ZNF521: variants seen among roughly 807,000 people sequenced by gnomAD.
The protein encoded by ZNF521 is zinc finger protein 521.
ZNF521 carries 14 observed loss-of-function variants against 105.5 expected under a neutral mutation model. That is an observed-to-expected ratio of 0.13 (90% CI 0.09 to 0.21). The LOEUF is 0.21. Ranked by LOEUF, ZNF521 falls within the 10% of genes least tolerant of loss-of-function variation. The pLI, the probability that ZNF521 is intolerant of heterozygous loss-of-function variation, is 1.00. For synonymous variants in ZNF521, 635 were observed against 606.0 expected, an observed-to-expected ratio of 1.05 and a Z score of -0.70; for missense variants, 1,233 against 1,629.7, an observed-to-expected ratio of 0.76 and a Z score of 4.19.
chr18:25,314,301 A>G (rs1912483799), intron 3 of ZNF521, among the ~76,000 whole-genome samples: 1 of 152,210 alleles, frequency 6.6e-6, no homozygotes, highest in South Asian at 2.1e-4. Context: ...ACTAGCTGTT[A>G]GAGCACTTTA....
chr18:25,181,916 G>A (rs978799230), intron 5 of ZNF521, among the ~76,000 whole-genome samples: 1 of 152,184 alleles, frequency 6.6e-6, no homozygotes, highest in Non-Finnish European at 1.5e-5. Context: ...GGAAACTGGT[G>A]TAAATGAATC....
rs760063735 is a variant in ZNF521 at position 25,089,468 on chromosome 18, C to T, written c.3903G>A (p.Leu1301=). Reference sequence around the variant, plus strand: ...GTCCTCCCCATGAGGACATTACCTGCAGCTCTGTTTGGAAGAAAAACTTCT... The same window carrying T: ...GTCCTCCCCATGAGGACATTACCTGTAGCTCTGTTTGGAAGAAAAACTTCT... ...CPQKFFFQTE[L]QNHTMTQHSS Residue 1301 remains leucine, a synonymous_variant, in exon 7 of 8, where the codon CTG becomes CTA. Coordinates refer to ENST00000361524, the MANE Select transcript of ZNF521 (RefSeq NM_015461.3). The T allele has an allele frequency of 1.2e-6, 2 of 1,612,344 alleles. No homozygotes were observed. The highest frequency in any genetic ancestry group is 2.2e-5 in the East Asian group (1 of 44,858).
chr18:25,087,574 T>A (rs2033650627), intron 7 of ZNF521, among the ~76,000 whole-genome samples: 1 of 152,250 alleles, frequency 6.6e-6, no homozygotes, highest in Non-Finnish European at 1.5e-5. Flanking sequence ...ACAGTTTACA[T>A]ACTAATTAAC....
intron 7 of ZNF521, among the ~76,000 whole-genome samples, chr18:25,077,085 C>T (rs1435868531): frequency 2.0e-5 from 3 of 152,182 alleles, no homozygotes; most frequent in African/African-American, 7.2e-5. Context: ...GTGAGGCAGA[C>T]TTGTTTAAAA....
At chr18:25,306,113 G>T (rs987691625) in intron 3 of ZNF521, among the ~76,000 whole-genome samples, 78 of 152,170 alleles carry the variant, frequency 5.1e-4, no homozygotes, top group African/African-American at 1.8e-3. Context: ...ATTTCTACCA[G>T]TCCCATTAAC....
intron 3 of ZNF521, among the ~76,000 whole-genome samples, chr18:25,307,774 G>A (rs920002416): frequency 6.6e-6 from 1 of 152,140 alleles, no homozygotes; most frequent in African/African-American, 2.4e-5. Context: ...TCTGCTGTCT[G>A]TCTGTCTGTC....
At chr18:25,290,773 G>T (rs912049321) in intron 3 of ZNF521, among the ~76,000 whole-genome samples, 9 of 151,848 alleles carry the variant, frequency 5.9e-5, no homozygotes, top group African/African-American at 2.2e-4. Flanking sequence ...ACCACACCTG[G>T]CTAATTTTTG....
intron 3 of ZNF521, among the ~76,000 whole-genome samples, chr18:25,244,276 G>C (rs1169835511): frequency 7.1e-6 from 1 of 140,192 alleles, no homozygotes; most frequent in African/African-American, 2.9e-5. Flanking sequence ...AGCTGTGTAT[G>C]CATGTGCACA....
intron 3 of ZNF521, among the ~76,000 whole-genome samples, chr18:25,266,446 C>T (rs996888999): frequency 2.6e-5 from 4 of 152,142 alleles, no homozygotes; most frequent in Non-Finnish European, 2.9e-5. Context: ...TACTATAAAT[C>T]GGATTTGCTG....
At chr18:25,328,182 C>A (rs1383070365) in intron 2 of ZNF521, among the ~76,000 whole-genome samples, 3 of 152,176 alleles carry the variant, frequency 2.0e-5, no homozygotes, top group Non-Finnish European at 2.9e-5. Context: ...AAAGAATGAT[C>A]TCTGTGTTAA....
chr18:25,168,543 C>T (rs986478462), intron 5 of ZNF521, among the ~76,000 whole-genome samples: 1 of 152,078 alleles, frequency 6.6e-6, no homozygotes, highest in African/African-American at 2.4e-5. Flanking sequence ...AAGCAGTCCA[C>T]AATAGACAAC....
At chr18:25,123,069 A>G (rs2034472913) in intron 5 of ZNF521, among the ~76,000 whole-genome samples, 2 of 151,836 alleles carry the variant, frequency 1.3e-5, no homozygotes, top group African/African-American at 4.8e-5. Context: ...TATAAACTAG[A>G]CATTCCTCTA....
At chr18:25,181,750 T>C (rs1002096119) in intron 5 of ZNF521, among the ~76,000 whole-genome samples, 2 of 152,166 alleles carry the variant, frequency 1.3e-5, no homozygotes, top group Non-Finnish European at 2.9e-5. Flanking sequence ...TTTAGGCTCA[T>C]ATAAAGGACT....
chr18:25,249,256 T>C (rs576265411), intron 3 of ZNF521, among the ~76,000 whole-genome samples: 2 of 151,224 alleles, frequency 1.3e-5, no homozygotes, highest in South Asian at 2.1e-4. Context: ...CCTGGGTTCA[T>C]GCCATTCTCC....
chr18:25,181,927 C>A (rs1446429179), intron 5 of ZNF521, among the ~76,000 whole-genome samples: 1 of 152,132 alleles, frequency 6.6e-6, no homozygotes, highest in Admixed American at 6.5e-5. Context: ...TAAATGAATC[C>A]CTTTGCTCCA....
intron 5 of ZNF521, among the ~76,000 whole-genome samples, chr18:25,095,325 T>C (rs2033829248): frequency 6.6e-6 from 1 of 152,124 alleles, no homozygotes; most frequent in South Asian, 2.1e-4. Flanking sequence ...AAAAATTCAA[T>C]CAAAATAACC....
At chr18:25,159,083 C>T (rs906311669) in intron 5 of ZNF521, among the ~76,000 whole-genome samples, 1 of 152,134 alleles carries the variant, frequency 6.6e-6, no homozygotes, top group African/African-American at 2.4e-5. Context: ...TCCAAGTCTG[C>T]CCATCAGAGT....
intron 3 of ZNF521, among the ~76,000 whole-genome samples, chr18:25,263,893 C>T (rs1160252059): frequency 6.6e-6 from 1 of 152,174 alleles, no homozygotes; most frequent in Non-Finnish European, 1.5e-5. Flanking sequence ...CAATAACTTT[C>T]TTAACCTATA....
intron 3 of ZNF521, among the ~76,000 whole-genome samples, chr18:25,271,290 C>T (rs1297085583): frequency 6.6e-6 from 1 of 152,186 alleles, no homozygotes; most frequent in Non-Finnish European, 1.5e-5. Flanking sequence ...AATGGAAGAA[C>T]ATTCCATGCT....
Sources: allele counts gnomAD v4.1 joint callset (sites outside exome capture counted in the v4.1 genomes callset), GRCh38; gene constraint gnomAD v4.1.1; transcripts MANE v1.5; gene names NCBI Gene and HGNC (gene_info 2026-07-23, HGNC 2026-07-21).